Variants in ABCC6 observed in about 807,000 individuals in gnomAD.
ABCC6 encodes ATP-binding cassette sub-family C member 6.
ABCC6 carries 126 observed loss-of-function variants against 169.5 expected under a neutral mutation model. The observed-to-expected ratio is 0.74, with a 90% CI of 0.64 to 0.86. ABCC6 has a LOEUF of 0.86. Ranked by LOEUF, ABCC6 falls within the 40% of genes least tolerant of loss-of-function variation. ABCC6 has a pLI of 0.00. For missense variants in ABCC6, 1,733 were observed against 1,927.2 expected (o/e 0.90, Z 1.89); for synonymous variants, 752 against 814.7 (o/e 0.92, Z 1.31).
intron 10 of ABCC6, among the ~76,000 whole-genome samples, chr16:16,197,610 A>G (rs1596701547): frequency 1.5e-5 from 2 of 129,484 alleles, no homozygotes; most frequent in African/African-American, 3.0e-5. Context: ...GAAGAGGAGG[A>G]GGAGGGGGAA....
At chr16:16,180,190 G>T (rs898563952) in intron 17 of ABCC6, among the ~76,000 whole-genome samples, 1 of 152,148 alleles carries the variant, frequency 6.6e-6, no homozygotes, top group Admixed American at 6.5e-5. Context: ...CCTGCCCTCT[G>T]CCCACCTCCT....
chr16:16,219,059 C>CAAAAAA (rs545447445), intron 4 of ABCC6, among the ~76,000 whole-genome samples: 1 of 10,376 alleles, frequency 9.6e-5, no homozygotes, highest in African/African-American at 3.1e-4. Context: ...GCAAGCCTCT[C>CAAAAAA]AAAAAAAAAA....
At chr16:16,193,224 CA>C (rs1486843658) in intron 10 of ABCC6, among the ~76,000 whole-genome samples, 1 of 152,166 alleles carries the variant, frequency 6.6e-6, no homozygotes, top group Non-Finnish European at 1.5e-5. Flanking sequence ...TACACTCCAC[CA>C]GCGCCATGAC....
At chr16:16,180,476 A>T (rs2047431607) in intron 17 of ABCC6, among the ~76,000 whole-genome samples, 1 of 151,562 alleles carries the variant, frequency 6.6e-6, no homozygotes, top group Non-Finnish European at 1.5e-5. Context: ...CTTGTCTTTC[A>T]TTCATTCTTT....
At position 16,154,926 on chromosome 16, in the gene ABCC6, T is replaced by C. The variant is rs58902671; in HGVS notation, c.3988A>G (p.Ile1330Val). Residue 1330 changes from isoleucine (I) to valine (V), a missense_variant, in exon 28 of 31, where the codon ATT becomes GTT. Ile to Val is a conservative substitution (Grantham distance 29). This residue lies in a region of ABCC6 where 1,601 missense variants were observed against 1,635.5 expected (regional missense o/e 0.98). Transcript: ENST00000205557. ...AGTGTGTGCAGCCCCACGTGGGCAA[T>C]GGGGACCCCGTCGATCCAGATCCCA... ...EGGIWIDGVPIAHVGLHTLRS... is the reference protein window; with the variant it reads ...EGGIWIDGVPVAHVGLHTLRS... 1.1e-5 allele frequency: 18 copies of C among 1,606,638 alleles called. No individual in the cohort carries two copies. The highest frequency in any genetic ancestry group is 1.4e-5 in the Non-Finnish European group (17 of 1,176,866).
chr16:16,174,589 T>C (rs1336526043), intron 20 of ABCC6, among the ~76,000 whole-genome samples: 1 of 151,856 alleles, frequency 6.6e-6, no homozygotes, highest in Non-Finnish European at 1.5e-5. Flanking sequence ...AAACCCTGTC[T>C]CTACTAAAAA....
Position 16,165,773 on chromosome 16 carries a change from T to A in ABCC6, c.3156A>T (p.Thr1052=). ...GHLLNRFSKE[T]DTVDVDIPDK... ...CTGGAATGTCCACGTCAACCGTGTC[T>A]GTCTCCTTGGAGAAGCGGTTTAGCA... The change falls in exon 23 of 31, where the codon ACA becomes ACT. Residue 1052 remains threonine, a synonymous_variant. Coordinates refer to ENST00000205557, the MANE Select transcript of ABCC6 (RefSeq NM_001171.6). 1 of 1,613,808 alleles carries A rather than the reference T, an allele frequency of 6.2e-7. No homozygotes were observed.
chr16:16,217,837 C>G (rs1448660193), intron 4 of ABCC6, among the ~76,000 whole-genome samples: 1 of 152,250 alleles, frequency 6.6e-6, no homozygotes, highest in African/African-American at 2.4e-5. Flanking sequence ...CGCCTGTAAT[C>G]CCAGCACTTT....
At chr16:16,213,558 CTTTTTT>C (rs61603385) in intron 5 of ABCC6, among the ~76,000 whole-genome samples, 1 of 72,388 alleles carries the variant, frequency 1.4e-5, no homozygotes, top group Non-Finnish European at 2.8e-5. Context: ...CTTTTTCCTT[CTTTTTT>C]TTTTTTTTTT....
chr16:16,166,193 G>T (rs888525768), intron 22 of ABCC6, among the ~76,000 whole-genome samples: 1 of 152,136 alleles, frequency 6.6e-6, no homozygotes, highest in Non-Finnish European at 1.5e-5. Flanking sequence ...GGGACCACAG[G>T]TGTACGCCAC....
At chr16:16,177,354 G>C in intron 19 of ABCC6, 98 bp downstream of exon 19, 1 of 1,405,132 alleles carries the variant, frequency 7.1e-7, no homozygotes, top group East Asian at 2.3e-5. Flanking sequence ...ACAGGGTGTG[G>C]CCAGAGCACT....
chr16:16,160,898 ATAT>A (rs1253997629), intron 25 of ABCC6, among the ~76,000 whole-genome samples: 1 of 152,156 alleles, frequency 6.6e-6, no homozygotes, highest in Non-Finnish European at 1.5e-5. Flanking sequence ...GTGTATATAT[ATAT>A]TTTTTTCATA....
intron 29 of ABCC6, among the ~76,000 whole-genome samples, chr16:16,151,055 TTTC>T (rs1192575800): frequency 3.9e-5 from 6 of 152,308 alleles, no homozygotes; most frequent in African/African-American, 1.2e-4. Flanking sequence ...TGGCTCTTTT[TTTC>T]TTCTTCGTTT....
chr16:16,219,770 G>A, intron 3 of ABCC6, 52 bp downstream of exon 3: 1 of 1,175,258 alleles, frequency 8.5e-7, no homozygotes, highest in Non-Finnish European at 1.2e-6. Flanking sequence ...CACTGTGGCA[G>A]GCAAAGCAGC....
chr16:16,168,717 A>G (rs1251250140), intron 22 of ABCC6, among the ~76,000 whole-genome samples: 1 of 152,128 alleles, frequency 6.6e-6, no homozygotes, highest in African/African-American at 2.4e-5. Context: ...GAGAGACTGA[A>G]CAGGGGATAC....
intron 14 of ABCC6, among the ~76,000 whole-genome samples, chr16:16,185,273 C>G (rs958981048): frequency 7.9e-5 from 12 of 152,218 alleles, no homozygotes; most frequent in Non-Finnish European, 1.5e-4. Flanking sequence ...GCCCAGAGAC[C>G]AAATCCTGCC....
At chr16:16,199,896 C>T (rs954815705) in intron 9 of ABCC6, among the ~76,000 whole-genome samples, 2 of 149,130 alleles carry the variant, frequency 1.3e-5, no homozygotes, top group African/African-American at 4.9e-5. Context: ...GGCAAAACCC[C>T]ATCTCTAGTA....
At chr16:16,166,752 G>T (rs1410404885) in intron 22 of ABCC6, among the ~76,000 whole-genome samples, 1 of 152,062 alleles carries the variant, frequency 6.6e-6, no homozygotes, top group East Asian at 1.9e-4. Flanking sequence ...TTAGCTGGGC[G>T]TGGTGGCAGG....
At position 16,177,760 on chromosome 16, in the gene ABCC6, C is replaced by T. The variant is rs117261405; in HGVS notation, c.2416-134G>A. 3.0e-3 allele frequency: 3,155 copies of T among 1,055,642 alleles called. 89 individuals are homozygous for T. The East Asian group carries it at 0.067, about 22-fold the overall frequency. The allele number at this position is 1,055,642 out of a possible 1,614,324, so 65.4% of individuals were successfully genotyped here. The stretch of plus-strand genomic sequence containing the variant: ...AAGTTCGAGACCAGCCTGGCTGACA[C>T]GGCTAAGCCCCATCTCTACTAAAAA... On this transcript the variant is annotated intron_variant, in intron 18 of 30. Coordinates refer to ENST00000205557, the MANE Select transcript of ABCC6 (RefSeq NM_001171.6).
Sources: allele counts gnomAD v4.1 joint callset (sites outside exome capture counted in the v4.1 genomes callset), GRCh38; gene constraint gnomAD v4.1.1; regional missense constraint gnomAD v4.1.1; transcripts MANE v1.5; gene names NCBI Gene and HGNC (gene_info 2026-07-23, HGNC 2026-07-21).